The following SND1 variants were observed in gnomAD, a reference collection of about 807,000 sequenced individuals.
The protein encoded by SND1 is staphylococcal nuclease and tudor domain containing 1.
A neutral mutation model predicts 121.7 loss-of-function variants in SND1; 38 were observed. The ratio of observed to expected loss-of-function variants is 0.31; its 90% CI spans 0.24 to 0.41. The LOEUF is 0.41. Among genes scored for constraint, SND1 ranks in the 10% least tolerant of loss-of-function variants. The pLI is 1.00. For missense variants in SND1, 868 were observed against 1,184.6 expected, an observed-to-expected ratio of 0.73 and a Z score of 3.92; for synonymous variants, 401 against 447.4, an observed-to-expected ratio of 0.90 and a Z score of 1.31.
intron 11 of SND1, among the ~76,000 whole-genome samples, chr7:127,819,314 A>G (rs576523283): frequency 6.6e-6 from 1 of 152,314 alleles, no homozygotes; most frequent in South Asian, 2.1e-4. Context: ...ATTGTGTATC[A>G]TCACATTCTT....
At position 127,704,898 on chromosome 7, in the gene SND1, G is replaced by A. The variant is rs368925468; in HGVS notation, c.900G>A (p.Ser300=). The change falls in exon 8 of 24, where the codon TCG becomes TCA. Residue 300 remains serine, a synonymous_variant. Coordinates refer to ENST00000354725, the MANE Select transcript of SND1 (RefSeq NM_014390.4). ...GTTTCGCACGCTGTGTGGACTGGTC[G>A]ATTGCAGTTTACACCCGGGGCGCAG... is the stretch of plus-strand genomic sequence containing the variant. ...KEGFARCVDW[S]IAVYTRGAEK... 17 of 1,613,960 alleles carry A rather than the reference G, an allele frequency of 1.1e-5. No homozygotes were observed. Among genetic ancestry groups the A allele is most frequent in the Middle Eastern group, 1.6e-4 (1 of 6,084 alleles).
chr7:127,685,448 G>A (rs1397631632), intron 1 of SND1, among the ~76,000 whole-genome samples: 1 of 152,208 alleles, frequency 6.6e-6, no homozygotes, highest in Admixed American at 6.5e-5. Context: ...GAGTCTTTCA[G>A]ATCTAGTGAA....
intron 2 of SND1, among the ~76,000 whole-genome samples, chr7:127,687,521 A>G (rs1321825150): frequency 2.0e-5 from 3 of 151,950 alleles, no homozygotes; most frequent in East Asian, 3.9e-4. Context: ...CTATATGTCC[A>G]TGTGTACCCA....
chr7:127,715,013 C>G (rs1796362689), intron 9 of SND1, among the ~76,000 whole-genome samples: 1 of 152,006 alleles, frequency 6.6e-6, no homozygotes, highest in African/African-American at 2.4e-5. Context: ...GAGTTTGTAC[C>G]CAAAAATGGA....
At chr7:127,880,830 G>T (rs974169302) in intron 12 of SND1, among the ~76,000 whole-genome samples, 7 of 151,986 alleles carry the variant, frequency 4.6e-5, no homozygotes, top group African/African-American at 1.7e-4. Flanking sequence ...ATGCCCAGAG[G>T]TCTCTTAATT....
In SND1 at chr7:127,707,773, G is replaced by GTGTC. The variant is rs1413628044; in HGVS notation, c.1038+129_1038+130insCTGT. 2.2e-5 allele frequency: 8 copies of GTGTC among 368,320 alleles called. No individual in the cohort carries two copies. In the South Asian group the frequency reaches 2.6e-4, roughly 12 times the overall value. The allele number at this position is 368,320 out of a possible 1,614,324, so 22.8% of individuals were successfully genotyped here. On this transcript the variant is annotated intron_variant, in intron 9 of 23. Coordinates refer to ENST00000354725, the MANE Select transcript of SND1 (RefSeq NM_014390.4). ...TCAAGGCAAGCCAGTAGGAGTGTGT[G>GTGTC]TGTGTGTGTGTGTGTGTGTGTGTGT...
At chr7:128,012,194 G>A (rs1013323490) in intron 16 of SND1, among the ~76,000 whole-genome samples, 3 of 152,130 alleles carry the variant, frequency 2.0e-5, no homozygotes, top group Non-Finnish European at 4.4e-5. Flanking sequence ...GAGTAATCTG[G>A]ACTCTTGGTA....
intron 10 of SND1, among the ~76,000 whole-genome samples, chr7:127,759,867 G>A (rs191895735): frequency 4.6e-5 from 7 of 152,134 alleles, no homozygotes; most frequent in Admixed American, 2.0e-4. Context: ...TACCTTTAAT[G>A]TATTTACTGA....
At chr7:127,931,343 A>G (rs1800952726) in intron 15 of SND1, among the ~76,000 whole-genome samples, 2 of 152,224 alleles carry the variant, frequency 1.3e-5, no homozygotes, top group South Asian at 4.1e-4. Flanking sequence ...TCTAATCCAG[A>G]GAAAGACCTC....
At chr7:127,747,450 T>C (rs1797001561) in intron 10 of SND1, among the ~76,000 whole-genome samples, 1 of 152,234 alleles carries the variant, frequency 6.6e-6, no homozygotes, top group Admixed American at 6.5e-5. Flanking sequence ...GGAATTGGCA[T>C]TGGGTATTGA....
intron 10 of SND1, among the ~76,000 whole-genome samples, chr7:127,750,589 G>A (rs1482937739): frequency 6.6e-6 from 1 of 152,138 alleles, no homozygotes; most frequent in Non-Finnish European, 1.5e-5. Flanking sequence ...GGGACCAGAA[G>A]TGTTTTGGAT....
At chr7:128,022,014 G>T (rs1803359444) in intron 16 of SND1, among the ~76,000 whole-genome samples, 1 of 152,042 alleles carries the variant, frequency 6.6e-6, no homozygotes, top group Admixed American at 6.5e-5. Context: ...GACCAGCCTG[G>T]CCAGCATGGT....
At chr7:127,866,205 A>T (rs1163539236) in intron 12 of SND1, among the ~76,000 whole-genome samples, 2 of 152,166 alleles carry the variant, frequency 1.3e-5, no homozygotes, top group African/African-American at 4.8e-5. Flanking sequence ...TAGACAACTC[A>T]TTTTGAAGAG....
At chr7:127,676,981 A>G (rs987674758) in intron 1 of SND1, among the ~76,000 whole-genome samples, 1 of 152,234 alleles carries the variant, frequency 6.6e-6, no homozygotes, top group African/African-American at 2.4e-5. Context: ...ACCTCAGGTG[A>G]TCCACCCGCC....
At chr7:127,843,934 G>A (rs1008034740) in intron 11 of SND1, among the ~76,000 whole-genome samples, 3 of 152,168 alleles carry the variant, frequency 2.0e-5, no homozygotes, top group Non-Finnish European at 2.9e-5. Context: ...ATGCTACAAC[G>A]AGCAGTGGTA....
intron 10 of SND1, among the ~76,000 whole-genome samples, chr7:127,730,015 G>A (rs1796646385): frequency 6.6e-6 from 1 of 152,154 alleles, no homozygotes; most frequent in Admixed American, 6.5e-5. Flanking sequence ...CCAGGCTGTA[G>A]TGCAATGTGG....
intron 16 of SND1, among the ~76,000 whole-genome samples, chr7:128,043,690 A>C (rs1238268011): frequency 6.6e-6 from 1 of 151,538 alleles, no homozygotes; most frequent in Non-Finnish European, 1.5e-5. Flanking sequence ...TTTGATAAAG[A>C]ATGTTACCTT....
intron 1 of SND1, among the ~76,000 whole-genome samples, chr7:127,658,184 G>A (rs1329782771): frequency 3.9e-5 from 6 of 152,172 alleles, no homozygotes; most frequent in Middle Eastern, 3.4e-3. Context: ...GCATGGTGGC[G>A]CGCGCCTGTA....
intron 15 of SND1, among the ~76,000 whole-genome samples, chr7:127,944,399 T>C (rs961689971): frequency 1.3e-5 from 2 of 152,192 alleles, no homozygotes; most frequent in African/African-American, 4.8e-5. Context: ...ACCGAGTCTG[T>C]GCAAAGGGAC....
Sources: allele counts gnomAD v4.1 joint callset (sites outside exome capture counted in the v4.1 genomes callset), GRCh38; gene constraint gnomAD v4.1.1; transcripts MANE v1.5; gene names NCBI Gene and HGNC (gene_info 2026-07-23, HGNC 2026-07-21).